Variants in TNXB observed in about 807,000 individuals in gnomAD.
TNXB encodes the protein tenascin XB, also known as tenascin-X.
TNXB carries 183 observed loss-of-function variants against 340.5 expected under a neutral mutation model. That is an observed-to-expected ratio of 0.54 (90% CI 0.48 to 0.61). The LOEUF (loss-of-function observed/expected upper bound fraction) is 0.61, where lower values mean the gene tolerates loss of function less well. Among genes scored for constraint, TNXB ranks in the 20% least tolerant of loss-of-function variants. TNXB has a pLI of 0.00. For missense variants in TNXB, 4,613 were observed against 5,446.4 expected (o/e 0.85, Z 4.82); for synonymous variants, 2,121 against 2,314.5 (o/e 0.92, Z 2.40).
chr6:32,088,637 G>T, intron 6 of TNXB, 148 bp downstream of exon 6: 1 of 1,187,794 alleles, frequency 8.4e-7, no homozygotes, highest in Non-Finnish European at 1.2e-6. Context: ...CCTCAGGACA[G>T]AGCAAGGCCC....
rs750924875 is a variant in TNXB at position 32,062,146 on chromosome 6, C to T, written c.7168+11G>A. 336 of 1,606,994 alleles carry T rather than the reference C, an allele frequency of 2.1e-4. 2 individuals are homozygous for T. In the East Asian group the frequency reaches 6.5e-3, roughly 31 times the overall value. ...ATGGCTCCCACCCTGGGGCTCCCAT[C>T]GTCCACTCACCTGTCACCCCGATGG... On this transcript the variant is annotated intron_variant, in intron 20 of 43. Transcript: ENST00000644971. This position sits in a 1 kb window ranked among gnomAD's most constrained non-coding sequence, Gnocchi z 4.3.
At position 32,096,569 on chromosome 6, in the gene TNXB, G is replaced by C. The variant is rs753696482; in HGVS notation, c.1284C>G (p.Thr428=). 6.3e-7 allele frequency: 1 copy of C among 1,587,080 alleles called. No individual in the cohort carries two copies. The highest frequency in any genetic ancestry group is 8.5e-7 in the Non-Finnish European group (1 of 1,171,912). The part of the protein sequence containing the change: ...RCVCWPGYTG[T]DCGSRACPRD... The stretch of plus-strand genomic sequence containing the variant: ...GTGGGCAGGCGCGCGAGCCGCAATC[G>C]GTTCCAGTGTACCCCGGCCAGCACA... Residue 428 remains threonine, a synonymous_variant, in exon 3 of 44, where the codon ACC becomes ACG. Transcript: ENST00000644971.
chr6:32,071,479 AG>A (rs1288712890), intron 13 of TNXB, among the ~76,000 whole-genome samples: 3 of 151,914 alleles, frequency 2.0e-5, no homozygotes, highest in Admixed American at 6.5e-5. Flanking sequence ...ATCCAACAAA[AG>A]TGGAAATTAC....
rs1776990568 is a variant in TNXB, at chr6:32,047,840, C to T, written c.10218G>A (p.Arg3406=). The T allele has an allele frequency of 1.2e-6, 2 of 1,611,912 alleles. No individual in the cohort carries two copies. Among genetic ancestry groups the T allele is most frequent in the African/African-American group, 1.3e-5 (1 of 74,916 alleles). The part of the protein sequence containing the change: ...LQVVPVAANQ[R]EVTVQGLEPS... ...GCTCCAGGCCCTGGACTGTGACCTCCCGCTGGTTGGCTGCCACCGGCACCA... is the reference window on the plus strand; with the variant it reads ...GCTCCAGGCCCTGGACTGTGACCTCTCGCTGGTTGGCTGCCACCGGCACCA... Residue 3406 remains arginine (R), a synonymous_variant, in exon 30 of 44, where the codon CGG becomes CGA. Transcript: ENST00000644971. The surrounding 1 kb of genome is among the most constrained non-coding windows in gnomAD (Gnocchi z 6.2).
In TNXB at chr6:32,053,622, T is replaced by A; in HGVS notation, c.8557A>T (p.Thr2853Ser). 6.2e-7 allele frequency: 1 copy of A among 1,613,522 alleles called. No homozygotes were observed. The highest frequency in any genetic ancestry group is 8.5e-7 in the Non-Finnish European group (1 of 1,179,818). Residue 2853 changes from threonine (T) to serine (S), a missense_variant, in exon 25 of 44, where the codon ACA becomes TCA. Transcript: ENST00000644971. ...CTGAGGGAGTCAGGGGTGGCATCTGTCACGGTCAGCTCCCCGAGGCGAGGC... is the reference window on the plus strand; with the variant it reads ...CTGAGGGAGTCAGGGGTGGCATCTGACACGGTCAGCTCCCCGAGGCGAGGC... Reference protein sequence around the residue: ...NKPRLGELTVTDATPDSLSLS... With the variant: ...NKPRLGELTVSDATPDSLSLS...
In TNXB at chr6:32,067,682, CTG is replaced by C. The variant is rs753442104; in HGVS notation, c.6521_6522del (p.Pro2174ArgfsTer15). On this transcript the variant is annotated frameshift_variant, in exon 18 of 44. Transcript: ENST00000644971. LOFTEE classifies it high-confidence loss of function. The surrounding 1 kb of genome is among the most constrained non-coding windows in gnomAD (Gnocchi z 4.2). ...YGLHEGRRVG[P>X]VSAVGVTAPE... ...TCACCCGTGACGCCCACAGCAGACACTGGGCCCACGCGCCGCCCCTCGTGGAG... is the reference window on the plus strand; with the variant it reads ...TCACCCGTGACGCCCACAGCAGACACGGCCCACGCGCCGCCCCTCGTGGAG... 4 of 1,613,716 alleles carry C rather than the reference CTG, an allele frequency of 2.5e-6. No homozygotes were observed. In the Admixed American group the frequency reaches 6.7e-5, roughly 27 times the overall value.
Position 32,061,696 on chromosome 6 carries a change from G to A in TNXB, c.7193C>T (p.Pro2398Leu), listed in dbSNP as rs1444901496. The change falls in exon 21 of 44, where the codon CCC (proline) becomes CTC (leucine). Residue 2398 changes from proline (P) to leucine (L), a missense_variant. By Grantham distance (98) the Pro-to-Leu change is moderately conservative. Transcript: ENST00000644971. The surrounding 1 kb of genome is among the most constrained non-coding windows in gnomAD (Gnocchi z 4.4). The stretch of plus-strand genomic sequence containing the variant: ...CGGGGCCTCCATGCTGGGTTCTGTG[G>A]GGCTGGGGGTCTCTTCCTCTGCAGC... ...VTAAEEETPS[P>L]TEPSMEAPEP... 6.2e-7 allele frequency: 1 copy of A among 1,611,954 alleles called. No homozygotes were observed. The highest frequency in any genetic ancestry group is 8.5e-7 in the Non-Finnish European group (1 of 1,179,170).
chr6:32,057,790 G>A (rs992637172), intron 22 of TNXB, among the ~76,000 whole-genome samples: 1 of 152,188 alleles, frequency 6.6e-6, no homozygotes, highest in Non-Finnish European at 1.5e-5. Flanking sequence ...TCAGGTCCTG[G>A]CTGTCCCCTG....
At position 32,096,609 on chromosome 6, in the gene TNXB, T is replaced by C; in HGVS notation, c.1244A>G (p.Glu415Gly). Residue 415 changes from glutamate to glycine, a missense_variant, in exon 3 of 44, where the codon GAG becomes GGG. This residue lies in a region of TNXB where 4,327 missense variants were observed against 4,859.4 expected (regional missense o/e 0.89). Coordinates refer to ENST00000644971, the MANE Select transcript of TNXB (RefSeq NM_001365276.2). ...CGGCCAGCACACGCAGCGGCCGTCC[T>C]CGCAGCGGCCCCTTTGGTTGCAGTC... The part of the protein sequence containing the change: ...PGDCNQRGRC[E>G]DGRCVCWPGY... 1 of 1,563,262 alleles carries C rather than the reference T, an allele frequency of 6.4e-7. No individual in the cohort carries two copies. The highest frequency in any genetic ancestry group is 8.6e-7 in the Non-Finnish European group (1 of 1,160,086).
rs13201435 is a variant in TNXB at position 32,087,157 on chromosome 6, G to A, written c.2780-1039C>T. 0.061 allele frequency: 26,569 copies of A among 436,544 alleles called. 1,238 individuals are homozygous for A. The highest frequency in any genetic ancestry group is 0.19 in the Middle Eastern group (571 of 2,962). The allele number at this position is 436,544 out of a possible 1,614,324, so 27.0% of individuals were successfully genotyped here. A position where few individuals can be genotyped will look rare whatever the true frequency, so the allele number is the denominator to read the frequency against. ...GGCCTGAAGGTAGAAGGGGGCAGTG[G>A]GGGGTGGCAGTGGGAGGAATTCATG... On this transcript the variant is annotated intron_variant, in intron 6 of 43. Coordinates refer to ENST00000644971, the MANE Select transcript of TNXB (RefSeq NM_001365276.2). The surrounding 1 kb of genome is among the most constrained non-coding windows in gnomAD (Gnocchi z 9.0).
intron 23 of TNXB, 93 bp downstream of exon 23, chr6:32,056,493 G>A (rs1298298842): frequency 2.4e-5 from 37 of 1,537,114 alleles, no homozygotes; most frequent in Non-Finnish European, 2.9e-5. Context: ...GGTGCTGACC[G>A]GACCCCTGGC....
intron 1 of TNXB, among the ~76,000 whole-genome samples, chr6:32,105,418 G>A (rs1465577665): frequency 1.3e-5 from 2 of 152,168 alleles, no homozygotes; most frequent in African/African-American, 4.8e-5. Flanking sequence ...AATATACTGT[G>A]AGATTATTTT....
Position 32,070,374 on chromosome 6 carries a change from A to G in TNXB, c.5031T>C (p.Leu1677=). The G allele has an allele frequency of 1.2e-6, 2 of 1,602,092 alleles. No individual in the cohort carries two copies. Among genetic ancestry groups the G allele is most frequent in the Non-Finnish European group, 1.7e-6 (2 of 1,173,684 alleles). Residue 1677 remains leucine, a synonymous_variant, in exon 14 of 44, where the codon CTT becomes CTC. Coordinates refer to ENST00000644971, the MANE Select transcript of TNXB (RefSeq NM_001365276.2). The surrounding 1 kb of genome is among the most constrained non-coding windows in gnomAD (Gnocchi z 6.0). ...GDASPGAPPR[L]GELWVTDPTP... is the part of the protein sequence containing the mutation. ...TGGGGTCTGTCACCCACAGCTCCCC[A>G]AGGCGGGGTGGGGCCCCTGGGCTGG...
Position 32,043,567 on chromosome 6 carries a change from G to T in TNXB, c.11531-11C>A, listed in dbSNP as rs776363006. 1.9e-6 allele frequency: 2 copies of T among 1,067,428 alleles called. No homozygotes were observed. The highest frequency in any genetic ancestry group is 2.8e-6 in the Non-Finnish European group (2 of 715,846). The allele number at this position is 1,067,428 out of a possible 1,614,324, so 66.1% of individuals were successfully genotyped here. The stretch of plus-strand genomic sequence containing the variant: ...TGGGACCGTCAGGAACTGGGGGAAG[G>T]GGAGGGGCTCAGAAGGGTCCCCGCG... On this transcript the variant is annotated splice_polypyrimidine_tract_variant and intron_variant, in intron 35 of 43. Transcript: ENST00000644971.
chr6:32,082,390 C>T lies in TNXB; in HGVS notation c.3446-64G>A. ...CCAAGGAGAATGGGGAAGCCAAATC[C>T]CACATAGGAATGCTGTGTGAGGCTG... On this transcript the variant is annotated intron_variant, in intron 8 of 43. Coordinates refer to ENST00000644971, the MANE Select transcript of TNXB (RefSeq NM_001365276.2). The surrounding 1 kb of genome is among the most constrained non-coding windows in gnomAD (Gnocchi z 5.0). 1.4e-6 allele frequency: 2 copies of T among 1,475,646 alleles called. No individual in the cohort carries two copies. The highest frequency in any genetic ancestry group is 1.8e-6 in the Non-Finnish European group (2 of 1,091,926). The allele number at this position is 1,475,646 out of a possible 1,614,324, so 91.4% of individuals were successfully genotyped here. A position where few individuals can be genotyped will look rare whatever the true frequency, so the allele number is the denominator to read the frequency against.
chr6:32,095,662 C>A lies in TNXB; in HGVS notation c.2191G>T (p.Asp731Tyr). Reference sequence around the variant, plus strand: ...CCATCTTTGCAGACACAGCTGCCATCGTGACACTCTCCTCGGCCACGGCAG... The same window carrying A: ...CCATCTTTGCAGACACAGCTGCCATAGTGACACTCTCCTCGGCCACGGCAG... ...GDCRGRGECH[D>Y]GSCVCKDGYA... The change falls in exon 3 of 44, where the codon GAT (aspartate) becomes TAT (tyrosine). Residue 731 changes from aspartate to tyrosine, a missense_variant. Around this residue, in one of 7 missense-constraint regions of TNXB, gnomAD observed 4,327 missense variants for 4,859.4 expected, o/e 0.89. Transcript: ENST00000644971. 6.2e-7 allele frequency: 1 copy of A among 1,614,018 alleles called. No individual in the cohort carries two copies. Among genetic ancestry groups the A allele is most frequent in the South Asian group, 1.1e-5 (1 of 91,090 alleles).
chr6:32,099,970 AC>A lies in TNXB; in HGVS notation c.-8-1765del, dbSNP rs1368421785. On this transcript the variant is annotated intron_variant, in intron 1 of 43. Transcript: ENST00000644971. ...GTAAAAAAAAAAAAAAAAAAAAAAA[AC>A]AGTCATTCTCCACCTTATGTCTGAT... 3.3e-5 allele frequency among the ~76,000 whole-genome samples: 5 copies of A among 149,630 alleles called. 1 individual carries two copies. The highest frequency in any genetic ancestry group is 2.2e-4 in the East Asian group (1 of 4,594).
chr6:32,081,397 A>G lies in TNXB; in HGVS notation c.4013T>C (p.Val1338Ala), dbSNP rs774172352. Residue 1338 changes from valine (V) to alanine (A), a missense_variant, in exon 10 of 44, where the codon GTG becomes GCG. Physicochemically the swap from Val to Ala is moderately conservative, Grantham distance 64. Transcript: ENST00000644971. The surrounding 1 kb of genome is among the most constrained non-coding windows in gnomAD (Gnocchi z 5.1). ...CTTGGCCACCACAGACTCGGGCCCC[A>G]CACGCTGCCTGCCACGAAGCCCGTA... ...NLYGLRGRQR[V>A]GPESVVAKTA... 6.5e-7 allele frequency: 1 copy of G among 1,543,190 alleles called. No homozygotes were observed. Among genetic ancestry groups the G allele is most frequent in the Non-Finnish European group, 8.8e-7 (1 of 1,142,064 alleles).
At position 32,055,965 on chromosome 6, in the gene TNXB, C is replaced by T. The variant is rs771584531; in HGVS notation, c.8353G>A (p.Glu2785Lys). 70 of 1,613,386 alleles carry T rather than the reference C, an allele frequency of 4.3e-5. No homozygotes were observed. The highest frequency in any genetic ancestry group is 5.3e-5 in the Non-Finnish European group (63 of 1,179,888). ...CCCCCCACGGTGACCTCGCTCTCCT[C>T]GCCCCTGACACGCATCACCTGGGGC... ...GRPQVMRVRG[E>K]ESEVTVGGLE... Residue 2785 changes from glutamate (E) to lysine (K), a missense_variant, in exon 24 of 44, where the codon GAG (glutamate) becomes AAG (lysine). Physicochemically the swap from Glu to Lys is moderately conservative, Grantham distance 56. Transcript: ENST00000644971.
Sources: gnomAD v4.1 joint callset for allele counts (sites outside exome capture counted in the v4.1 genomes callset) on GRCh38, gnomAD v4.1.1 for gene constraint, gnomAD v4.1.1 regional missense constraint, Gnocchi (gnomAD v3.1) non-coding constraint, MANE v1.5 for transcripts, NCBI Gene and HGNC (gene_info 2026-07-23, HGNC 2026-07-21) for gene names.